The following LVRN variants were observed in gnomAD, a reference collection of about 807,000 sequenced individuals.
LVRN encodes aminopeptidase Q.
A neutral mutation model predicts 111.4 loss-of-function variants in LVRN; 99 were observed. The ratio of observed to expected loss-of-function variants is 0.89; its 90% confidence interval spans 0.76 to 1.05. LVRN has a LOEUF of 1.05. Ranked by LOEUF, LVRN falls within the 50% of genes least tolerant of loss-of-function variation. LVRN has a pLI of 0.00. For missense variants in LVRN, 1,414 were observed against 1,206.8 expected (o/e 1.17, Z -2.54); for synonymous variants, 488 against 449.5 (o/e 1.09, Z -1.08).
In LVRN at chr5:115,984,636, A is replaced by C. The variant is rs146224958; in HGVS notation, c.905A>C (p.His302Pro). 5 of 1,613,750 alleles carry C rather than the reference A, an allele frequency of 3.1e-6. No homozygotes were observed. The highest frequency in any genetic ancestry group is 1.7e-4 in the Middle Eastern group (1 of 6,060). ...GTTACAACCTTTTCCACTACGCCCC[A>C]CATGCCAACTTACTTAGTCGCATTT... is the stretch of plus-strand genomic sequence containing the variant. The part of the protein sequence containing the change: ...WTVTTFSTTP[H>P]MPTYLVAFVI... Residue 302 changes from histidine (H) to proline (P), a missense_variant, in exon 3 of 20, where the codon CAC becomes CCC. By Grantham distance (77) the His-to-Pro change is moderately conservative. Transcript: ENST00000357872.
Position 116,003,309 on chromosome 5 carries a change from G to A in LVRN, c.1966G>A (p.Gly656Arg), listed in dbSNP as rs1370030433. The A allele has an allele frequency of 6.4e-7, 1 of 1,556,436 alleles. No homozygotes were observed. The highest frequency in any genetic ancestry group is 2.3e-5 in the East Asian group (1 of 43,902). ...GGTGATTTTGAATTTGAATATGACT[G>A]GATATTATAGAGTTAATTATGATAA... ...DWVILNLNMTGYYRVNYDKLG... is the reference protein window; with the variant it reads ...DWVILNLNMTRYYRVNYDKLG... The change falls in exon 12 of 20, where the codon GGA becomes AGA. Residue 656 changes from glycine (G) to arginine (R), a missense_variant. Gly to Arg is a moderately radical substitution (Grantham distance 125). Coordinates refer to ENST00000357872, the MANE Select transcript of LVRN (RefSeq NM_173800.5).
At position 115,986,029 on chromosome 5, in the gene LVRN, T is replaced by C. The variant is rs184211183; in HGVS notation, c.978+1320T>C. Among the ~76,000 whole-genome samples the C allele has an allele frequency of 1.2e-4, 19 of 152,358 alleles. No individual in the cohort carries two copies. In the East Asian group the frequency reaches 3.7e-3, roughly 29 times the overall value. On this transcript the variant is annotated intron_variant, in intron 3 of 19. Transcript: ENST00000357872. ...GAGAATTACTCAAAGCTACTCCTCC[T>C]TTACAACTCCTAACCTAGTGATGAA...
intron 1 of LVRN, among the ~76,000 whole-genome samples, chr5:115,973,136 C>T (rs1359262689): frequency 6.6e-6 from 1 of 152,056 alleles, no homozygotes; most frequent in East Asian, 1.9e-4. Context: ...TGCCATGTTG[C>T]CCAGGCTGGT....
At position 115,966,437 on chromosome 5, in the gene LVRN, T is replaced by C. The variant is rs191206247; in HGVS notation, c.695+3125T>C. ...TATGGATGTATGAAAGTTTATTTAG[T>C]CATTCATCGATTGAGGGTTATTTTA... On this transcript the variant is annotated intron_variant, in intron 1 of 19. Coordinates refer to ENST00000357872, the MANE Select transcript of LVRN (RefSeq NM_173800.5). 1.5e-3 allele frequency among the ~76,000 whole-genome samples: 221 copies of C among 152,386 alleles called. 1 individual carries two copies. Among genetic ancestry groups the C allele is most frequent in the African/African-American group, 4.7e-3 (194 of 41,594 alleles).
intron 4 of LVRN, among the ~76,000 whole-genome samples, 192 bp downstream of exon 4, chr5:115,988,131 G>A (rs1747911119): frequency 6.6e-6 from 1 of 152,150 alleles, no homozygotes; most frequent in African/African-American, 2.4e-5. Context: ...TCTCTGTACA[G>A]AGCCATGTGC....
At chr5:116,016,348 CA>C (rs1468373185) in intron 18 of LVRN, among the ~76,000 whole-genome samples, 1 of 152,116 alleles carries the variant, frequency 6.6e-6, no homozygotes, top group East Asian at 1.9e-4. Flanking sequence ...ACATATTTGA[CA>C]TGATAATATG....
chr5:115,983,293 G>C lies in LVRN; in HGVS notation c.702G>C (p.Leu234=), dbSNP rs766051193. The C allele has an allele frequency of 6.3e-7, 1 of 1,586,718 alleles. No individual in the cohort carries two copies. Among genetic ancestry groups the C allele is most frequent in the Non-Finnish European group, 8.5e-7 (1 of 1,171,682 alleles). The stretch of plus-strand genomic sequence containing the variant: ...TCCCCAAAATGTATTTCAGGGCCCT[G>C]TTAGCGTCCCAGCTGGAACCAACAT... The part of the protein sequence containing the change: ...VYTDQGERRA[L]LASQLEPTFA... Residue 234 remains leucine, a synonymous_variant, in exon 2 of 20, where the codon CTG becomes CTC. Coordinates refer to ENST00000357872, the MANE Select transcript of LVRN (RefSeq NM_173800.5).
intron 4 of LVRN, among the ~76,000 whole-genome samples, chr5:115,989,892 C>CTTAAGCAAATTGCTTAA (rs1747947218): frequency 6.6e-6 from 1 of 152,124 alleles, no homozygotes; most frequent in South Asian, 2.1e-4. Context: ...TGCTTTAACT[C>CTTAAGCAAATTGCTTAA]TTTGCTGAGT....
At chr5:116,002,375 T>G (rs151193408) in intron 10 of LVRN, among the ~76,000 whole-genome samples, 60 of 152,322 alleles carry the variant, frequency 3.9e-4, no homozygotes, top group African/African-American at 1.4e-3. Flanking sequence ...CATGGCTGAT[T>G]CCTGTTGAAT....
chr5:115,972,944 TC>T (rs1485597190), intron 1 of LVRN, among the ~76,000 whole-genome samples: 2 of 152,000 alleles, frequency 1.3e-5, no homozygotes, highest in African/African-American at 4.8e-5. Flanking sequence ...TTTTTTTTTT[TC>T]CAGACAGGGT....
Position 116,000,637 on chromosome 5 carries a change from T to A in LVRN, c.1626T>A (p.Asp542Glu). The change falls in exon 9 of 20, where the codon GAT becomes GAA. Residue 542 changes from aspartate (D) to glutamate (E), a missense_variant. Coordinates refer to ENST00000357872, the MANE Select transcript of LVRN (RefSeq NM_173800.5). ...TFSYSNAEQD[D>E]LWRHFQMAID... ...CCTACTCAAACGCTGAGCAAGATGATCTATGGAGGCATTTTCAAATGGTAA... is the reference window on the plus strand; with the variant it reads ...CCTACTCAAACGCTGAGCAAGATGAACTATGGAGGCATTTTCAAATGGTAA... The A allele has an allele frequency of 1.2e-6, 2 of 1,613,974 alleles. No individual in the cohort carries two copies. Among genetic ancestry groups the A allele is most frequent in the Non-Finnish European group, 1.7e-6 (2 of 1,179,924 alleles).
chr5:116,009,879 C>A (rs995515194), intron 13 of LVRN, among the ~76,000 whole-genome samples: 1 of 152,132 alleles, frequency 6.6e-6, no homozygotes, highest in East Asian at 1.9e-4. Context: ...GAGAATATTA[C>A]GTATACTTAG....
chr5:115,966,537 G>A (rs1354822320), intron 1 of LVRN, among the ~76,000 whole-genome samples: 2 of 152,076 alleles, frequency 1.3e-5, no homozygotes, highest in African/African-American at 2.4e-5. Context: ...TTTAAGAGGC[G>A]GGGTCCCTCT....
chr5:115,983,081 G>A (rs1181377968), intron 1 of LVRN, among the ~76,000 whole-genome samples: 1 of 152,076 alleles, frequency 6.6e-6, no homozygotes, highest in African/African-American at 2.4e-5. Flanking sequence ...AAAGTAAAGG[G>A]TGTGCTTGTA....
chr5:116,007,319 A>C (rs1748395721), intron 13 of LVRN, among the ~76,000 whole-genome samples: 1 of 152,190 alleles, frequency 6.6e-6, no homozygotes, highest in Non-Finnish European at 1.5e-5. Context: ...CTTACCTATT[A>C]GGCCCCATTT....
intron 4 of LVRN, among the ~76,000 whole-genome samples, chr5:115,991,286 T>G (rs932585615): frequency 6.6e-6 from 1 of 152,208 alleles, no homozygotes; most frequent in Admixed American, 6.5e-5. Flanking sequence ...GTCATATAGT[T>G]GGAATTGCAT....
intron 9 of LVRN, among the ~76,000 whole-genome samples, 157 bp downstream of exon 9, chr5:116,000,815 A>G (rs1748222341): frequency 6.6e-6 from 1 of 152,172 alleles, no homozygotes; most frequent in Non-Finnish European, 1.5e-5. Flanking sequence ...AGTCTTCACT[A>G]TATTCCCAGT....
intron 1 of LVRN, among the ~76,000 whole-genome samples, chr5:115,967,027 T>C (rs1392422134): frequency 6.6e-6 from 1 of 152,240 alleles, no homozygotes; most frequent in African/African-American, 2.4e-5. Context: ...TCTTTATATA[T>C]TCTAGATCTA....
intron 4 of LVRN, among the ~76,000 whole-genome samples, chr5:115,990,270 C>A (rs927615024): frequency 6.6e-6 from 1 of 152,056 alleles, no homozygotes; most frequent in Non-Finnish European, 1.5e-5. Context: ...AGGCTATATG[C>A]CAGATTTCCT....
Sources: allele counts gnomAD v4.1 joint callset (sites outside exome capture counted in the v4.1 genomes callset), GRCh38; gene constraint gnomAD v4.1.1; transcripts MANE v1.5; gene names NCBI Gene and HGNC (gene_info 2026-07-23, HGNC 2026-07-21).